The following SLC4A5 variants were observed in gnomAD, a reference collection of about 807,000 sequenced individuals.
The protein encoded by SLC4A5 is solute carrier family 4 member 5, also known as electrogenic sodium bicarbonate cotransporter 4.
A neutral mutation model predicts 120.4 loss-of-function variants in SLC4A5; 96 were observed. That is an observed-to-expected ratio of 0.80 (90% CI 0.68 to 0.94). SLC4A5 has a LOEUF of 0.94. Among genes scored for constraint, SLC4A5 ranks in the 40% least tolerant of loss-of-function variants. The pLI is 0.00. For missense variants in SLC4A5, 1,259 were observed against 1,459.5 expected (o/e 0.86, Z 2.24); for synonymous variants, 550 against 571.1 (o/e 0.96, Z 0.53).
At chr2:74,314,490 A>G (rs765041588) in intron 6 of SLC4A5, among the ~76,000 whole-genome samples, 33 of 152,122 alleles carry the variant, frequency 2.2e-4, no homozygotes, top group Non-Finnish European at 4.1e-4. Context: ...TTGCCTTTTC[A>G]TAAGCCCCAT....
At chr2:74,271,280 A>C (rs1671468026) in intron 8 of SLC4A5, among the ~76,000 whole-genome samples, 1 of 151,912 alleles carries the variant, frequency 6.6e-6, no homozygotes, top group Non-Finnish European at 1.5e-5. Context: ...CTCCTATAAC[A>C]CCCTAGGATG....
chr2:74,299,492 T>C (rs1220595157), intron 7 of SLC4A5, among the ~76,000 whole-genome samples: 5 of 152,190 alleles, frequency 3.3e-5, no homozygotes, highest in Admixed American at 6.5e-5. Flanking sequence ...TCCCCAACCA[T>C]GTGGAACTGT....
intron 7 of SLC4A5, among the ~76,000 whole-genome samples, chr2:74,295,079 TGA>T (rs1474823813): frequency 6.6e-6 from 1 of 151,404 alleles, no homozygotes; most frequent in Non-Finnish European, 1.5e-5. Context: ...TGAGCTAAGG[TGA>T]GAGAGACCGA....
chr2:74,239,163 T>C (rs1262872984), intron 21 of SLC4A5, among the ~76,000 whole-genome samples, 172 bp downstream of exon 21: 1 of 152,134 alleles, frequency 6.6e-6, no homozygotes, highest in Non-Finnish European at 1.5e-5. Context: ...ATACCAAGTG[T>C]TGTCAAGGGG....
intron 19 of SLC4A5, 53 bp from the exon 20 acceptor site, chr2:74,242,105 C>T: frequency 6.5e-7 from 1 of 1,527,710 alleles, no homozygotes; most frequent in East Asian, 2.4e-5. Flanking sequence ...GGGCTGGGAG[C>T]TGCATTCCCA....
intron 8 of SLC4A5, among the ~76,000 whole-genome samples, chr2:74,280,685 ATTTT>A (rs35096924): frequency 2.1e-5 from 3 of 140,900 alleles, no homozygotes; most frequent in African/African-American, 2.6e-5. Context: ...ATTATACAGG[ATTTT>A]TTTTTTTTTT....
At chr2:74,307,103 G>T in intron 6 of SLC4A5, 1 of 556,510 alleles carries the variant, frequency 1.8e-6, no homozygotes, top group Non-Finnish European at 3.4e-6. Flanking sequence ...CAATCTCCAA[G>T]GACTGGACTG....
At chr2:74,237,130 C>G (rs1670293977) in intron 21 of SLC4A5, among the ~76,000 whole-genome samples, 1 of 152,122 alleles carries the variant, frequency 6.6e-6, no homozygotes. Flanking sequence ...GCGCCCACCA[C>G]AACGCCCGGC....
Position 74,255,895 on chromosome 2 carries a change from G to T in SLC4A5, c.905C>A (p.Ser302Ter). 1 of 1,614,120 alleles carries T rather than the reference G, an allele frequency of 6.2e-7. No homozygotes were observed. The highest frequency in any genetic ancestry group is 8.5e-7 in the Non-Finnish European group (1 of 1,179,970). Reference sequence around the variant, plus strand: ...GCCCACGAGCACGTTGGACGCTTCTGAGTCCTTGGGGATCTTCTTCATGAA... The same window carrying T: ...GCCCACGAGCACGTTGGACGCTTCTTAGTCCTTGGGGATCTTCTTCATGAA... The change falls in exon 13 of 31, where the codon TCA (serine) becomes TAA (stop). Residue 302 changes from serine (S) to a stop codon, truncating the protein, a stop_gained. Transcript: ENST00000394019. LOFTEE classifies it high-confidence loss of function. This position sits in a 1 kb window ranked among gnomAD's most constrained non-coding sequence, Gnocchi z 4.0.
intron 4 of SLC4A5, among the ~76,000 whole-genome samples, chr2:74,333,398 T>C (rs1196493309): frequency 1.3e-5 from 2 of 152,240 alleles, no homozygotes; most frequent in Non-Finnish European, 1.5e-5. Flanking sequence ...AGATTCTTAG[T>C]ACAGTTGGCC....
intron 9 of SLC4A5, among the ~76,000 whole-genome samples, chr2:74,264,646 A>G (rs1209296101): frequency 6.6e-6 from 1 of 152,180 alleles, no homozygotes; most frequent in Non-Finnish European, 1.5e-5. Flanking sequence ...TTAGAAAAGT[A>G]TTTTGGGCAA....
At chr2:74,235,077 C>A in intron 22 of SLC4A5, 24 bp downstream of exon 22, 1 of 1,584,590 alleles carries the variant, frequency 6.3e-7, no homozygotes, top group Admixed American at 1.7e-5. Context: ...GACTGGATGC[C>A]CAGAGCGAGG....
chr2:74,271,514 A>C (rs1175023421), intron 8 of SLC4A5, among the ~76,000 whole-genome samples: 1 of 152,156 alleles, frequency 6.6e-6, no homozygotes, highest in Non-Finnish European at 1.5e-5. Flanking sequence ...AAAATAATTA[A>C]TTAATTCAGG....
intron 8 of SLC4A5, among the ~76,000 whole-genome samples, chr2:74,283,607 A>T (rs1006380460): frequency 6.6e-6 from 1 of 152,102 alleles, no homozygotes; most frequent in Non-Finnish European, 1.5e-5. Context: ...AGTGAGGGAG[A>T]TGAGCGAGGG....
chr2:74,332,582 C>A (rs527565490), intron 4 of SLC4A5, among the ~76,000 whole-genome samples: 1 of 152,200 alleles, frequency 6.6e-6, no homozygotes, highest in South Asian at 2.1e-4. Context: ...ATCTCTTGGG[C>A]AAAATCAGTC....
At chr2:74,312,335 A>G (rs1467385246) in intron 6 of SLC4A5, among the ~76,000 whole-genome samples, 1 of 151,258 alleles carries the variant, frequency 6.6e-6, no homozygotes, top group African/African-American at 2.4e-5. Flanking sequence ...GGTTCAACTG[A>G]TTTCCTGACT....
intron 8 of SLC4A5, among the ~76,000 whole-genome samples, chr2:74,265,582 C>T (rs1014437030): frequency 2.6e-5 from 4 of 152,194 alleles, no homozygotes; most frequent in East Asian, 1.9e-4. Flanking sequence ...AAATCATTTA[C>T]CAGTACACTT....
intron 4 of SLC4A5, among the ~76,000 whole-genome samples, chr2:74,331,760 G>A (rs1466020752): frequency 6.6e-6 from 1 of 152,040 alleles, no homozygotes; most frequent in African/African-American, 2.4e-5. Flanking sequence ...CCTTGCTGCA[G>A]CCTTGAGAAA....
chr2:74,339,846 G>A (rs1477705455), intron 2 of SLC4A5: 1 of 152,150 alleles, frequency 6.6e-6, no homozygotes, highest in East Asian at 1.9e-4. Context: ...ACATACAATC[G>A]TGATTCAGCC....
Sources: gnomAD v4.1 joint callset for allele counts (sites outside exome capture counted in the v4.1 genomes callset) on GRCh38, gnomAD v4.1.1 for gene constraint, Gnocchi (gnomAD v3.1) non-coding constraint, MANE v1.5 for transcripts, NCBI Gene and HGNC (gene_info 2026-07-23, HGNC 2026-07-21) for gene names.